The following CDC42BPA variants were observed in gnomAD, a reference collection of about 807,000 sequenced individuals.
CDC42BPA encodes serine/threonine-protein kinase MRCK alpha.
In CDC42BPA, 80 loss-of-function variants were observed where a neutral mutation model predicts 223.5. The ratio of observed to expected loss-of-function variants is 0.36; its 90% confidence interval spans 0.30 to 0.43. The LOEUF is 0.43. Ranked by LOEUF, CDC42BPA falls within the 20% of genes least tolerant of loss-of-function variation. The pLI is 1.00. For missense variants in CDC42BPA, 1,743 were observed against 2,099.9 expected (o/e 0.83, Z 3.32); for synonymous variants, 694 against 718.6 (o/e 0.97, Z 0.55).
intron 15 of CDC42BPA, among the ~76,000 whole-genome samples, chr1:227,098,324 TA>T (rs1003054153): frequency 6.6e-6 from 1 of 152,196 alleles, no homozygotes; most frequent in Non-Finnish European, 1.5e-5. Flanking sequence ...CTCAGAGGTT[TA>T]AATGCCATGG....
chr1:227,054,267 C>T (rs1379235509), intron 21 of CDC42BPA, among the ~76,000 whole-genome samples: 3 of 152,180 alleles, frequency 2.0e-5, no homozygotes, highest in Non-Finnish European at 4.4e-5. Flanking sequence ...ATTTCAAAAA[C>T]TCTTTAAAAA....
intron 6 of CDC42BPA, among the ~76,000 whole-genome samples, chr1:227,158,602 C>T (rs1255885711): frequency 1.3e-5 from 2 of 152,092 alleles, no homozygotes; most frequent in African/African-American, 4.8e-5. Context: ...GGAAGACTTC[C>T]AAACTCTATG....
At chr1:227,051,801 G>A (rs1673572523) in intron 22 of CDC42BPA, 80 bp downstream of exon 22, 3 of 742,628 alleles carry the variant, frequency 4.0e-6, no homozygotes, top group Non-Finnish European at 6.6e-6. Context: ...TAAGAGGAGA[G>A]AGACAGACTT....
rs36157906 is a variant in CDC42BPA at position 227,162,868 on chromosome 1, A to ATGTGTGTGTGTG, written c.600-2244_600-2233dup. 8.8e-3 allele frequency among the ~76,000 whole-genome samples: 1,318 copies of ATGTGTGTGTGTG among 149,450 alleles called. 22 individuals are homozygous for ATGTGTGTGTGTG. Among genetic ancestry groups the ATGTGTGTGTGTG allele is most frequent in the East Asian group, 0.041 (209 of 5,038 alleles). On this transcript the variant is annotated intron_variant, in intron 5 of 36. Coordinates refer to ENST00000366766, the MANE Select transcript of CDC42BPA (RefSeq NM_001394014.1). ...AAAAAATAAAATAAAATAAATATAT[A>ATGTGTGTGTGTG]TGTGTGTGTGTGTGTGTGTTTCCAA...
intron 12 of CDC42BPA, among the ~76,000 whole-genome samples, chr1:227,113,664 G>C (rs1347169976): frequency 6.6e-6 from 1 of 151,898 alleles, no homozygotes; most frequent in African/African-American, 2.4e-5. Context: ...ATGACAAAAG[G>C]CTATTAAAAA....
intron 2 of CDC42BPA, among the ~76,000 whole-genome samples, chr1:227,245,824 AG>A (rs530267095): frequency 4.5e-4 from 69 of 152,330 alleles, no homozygotes; most frequent in African/African-American, 9.6e-4. Context: ...AGCAATACCC[AG>A]GGAGTATGCT....
chr1:227,244,253 C>A (rs1288083104), intron 2 of CDC42BPA, among the ~76,000 whole-genome samples: 1 of 151,956 alleles, frequency 6.6e-6, no homozygotes, highest in Non-Finnish European at 1.5e-5. Flanking sequence ...TCATAATGGC[C>A]AAAAACCATA....
intron 2 of CDC42BPA, among the ~76,000 whole-genome samples, chr1:227,242,175 A>G (rs1176863113): frequency 6.6e-6 from 1 of 152,210 alleles, no homozygotes; most frequent in African/African-American, 2.4e-5. Context: ...TAGTAAAATC[A>G]TATCAAAACA....
rs759308906 is a variant in CDC42BPA at position 227,139,699 on chromosome 1, T to A, written c.1267A>T (p.Thr423Ser). The part of the protein sequence containing the change: ...RSCLRVTAGP[T>S]SLDLDVNVQR... ...ACATTAACATCAAGATCCAGTGAGG[T>A]GGGACCAGCCGTAACTCTTAAACAG... Residue 423 changes from threonine to serine, a missense_variant, in exon 10 of 37, where the codon ACC (threonine) becomes TCC (serine). Thr to Ser is a moderately conservative substitution (Grantham distance 58). Transcript: ENST00000366766. 1 of 1,603,194 alleles carries A rather than the reference T, an allele frequency of 6.2e-7. No individual in the cohort carries two copies. The highest frequency in any genetic ancestry group is 8.5e-7 in the Non-Finnish European group (1 of 1,176,236).
chr1:227,183,992 A>G (rs1456676476), intron 5 of CDC42BPA, among the ~76,000 whole-genome samples: 1 of 152,132 alleles, frequency 6.6e-6, no homozygotes, highest in African/African-American at 2.4e-5. Context: ...TGCCATCTCT[A>G]TCTCCTCTTG....
intron 2 of CDC42BPA, among the ~76,000 whole-genome samples, chr1:227,236,583 C>T (rs3127002): frequency 0.31 from 46,796 of 151,948 alleles, 7,380 homozygotes; most frequent in East Asian, 0.37. Flanking sequence ...TATAATTGAT[C>T]ATAACATACC....
intron 6 of CDC42BPA, among the ~76,000 whole-genome samples, chr1:227,153,600 G>A (rs1662185338): frequency 6.6e-6 from 1 of 151,910 alleles, no homozygotes; most frequent in Non-Finnish European, 1.5e-5. Flanking sequence ...GAAGAAGGTG[G>A]TCTGAACTAC....
At chr1:227,267,135 CT>C (rs1685140523) in intron 1 of CDC42BPA, among the ~76,000 whole-genome samples, 1 of 152,142 alleles carries the variant, frequency 6.6e-6, no homozygotes, top group Admixed American at 6.5e-5. Context: ...TAAGAAAATG[CT>C]TAATTTATGC....
chr1:227,217,275 C>A (rs1431305137), intron 2 of CDC42BPA, among the ~76,000 whole-genome samples: 1 of 151,730 alleles, frequency 6.6e-6, no homozygotes, highest in Non-Finnish European at 1.5e-5. Context: ...AATGAAACCC[C>A]ATCTCTACTA....
At chr1:227,312,342 T>C (rs140130331) in intron 1 of CDC42BPA, among the ~76,000 whole-genome samples, 3,170 of 152,290 alleles carry the variant, frequency 0.021, 128 homozygotes, top group African/African-American at 0.072. Context: ...TGAGCTAAAT[T>C]ATTTTATCCT....
At chr1:227,193,274 G>A (rs536649711) in intron 5 of CDC42BPA, among the ~76,000 whole-genome samples, 29 of 151,758 alleles carry the variant, frequency 1.9e-4, no homozygotes, top group Admixed American at 8.5e-4. Flanking sequence ...GAGTTTCACC[G>A]TGGTCTCGAT....
chr1:226,998,719 G>A (rs368827276), intron 35 of CDC42BPA, among the ~76,000 whole-genome samples: 1 of 152,026 alleles, frequency 6.6e-6, no homozygotes, highest in South Asian at 2.1e-4. Flanking sequence ...CAATACCATC[G>A]AGGACACAGG....
At chr1:227,208,773 T>C (rs894538032) in intron 3 of CDC42BPA, among the ~76,000 whole-genome samples, 1 of 152,170 alleles carries the variant, frequency 6.6e-6, no homozygotes, top group Non-Finnish European at 1.5e-5. Context: ...GTAGTATAGT[T>C]TGAAGTCAGG....
intron 2 of CDC42BPA, among the ~76,000 whole-genome samples, chr1:227,223,979 G>A (rs1452364806): frequency 6.6e-6 from 1 of 152,162 alleles, no homozygotes; most frequent in Admixed American, 6.5e-5. Flanking sequence ...GCTACGGTAG[G>A]TAGGCTATGA....
Sources: gnomAD v4.1 joint callset for allele counts (sites outside exome capture counted in the v4.1 genomes callset) on GRCh38, gnomAD v4.1.1 for gene constraint, MANE v1.5 for transcripts, NCBI Gene and HGNC (gene_info 2026-07-23, HGNC 2026-07-21) for gene names.